The following ATP1B3 variants were observed in gnomAD, a reference collection of about 807,000 sequenced individuals.
ATP1B3 encodes sodium/potassium-transporting ATPase subunit beta-3.
In ATP1B3, 10 loss-of-function variants were observed where a neutral mutation model predicts 30.2. The ratio of observed to expected loss-of-function variants is 0.33; its 90% CI spans 0.20 to 0.56. ATP1B3 has a LOEUF of 0.56. Ranked by LOEUF, ATP1B3 falls within the 20% of genes least tolerant of loss-of-function variation. ATP1B3 has a pLI of 0.90. For synonymous variants in ATP1B3, 113 were observed against 117.0 expected (o/e 0.97, Z 0.22); for missense variants, 238 against 336.7 (o/e 0.71, Z 2.29).
chr3:141,902,000 C>T, intron 1 of ATP1B3: 1 of 548,404 alleles, frequency 1.8e-6, no homozygotes, highest in Non-Finnish European at 3.0e-6. Flanking sequence ...CCCTTCGTTC[C>T]TGCAGACACC....
intron 1 of ATP1B3, among the ~76,000 whole-genome samples, chr3:141,884,580 A>G (rs1933795476): frequency 6.6e-6 from 1 of 152,234 alleles, no homozygotes; most frequent in African/African-American, 2.4e-5. Context: ...TGGGAAAGGC[A>G]GACCCACTCT....
intron 1 of ATP1B3, among the ~76,000 whole-genome samples, chr3:141,895,985 C>G (rs1222352782): frequency 2.0e-5 from 3 of 152,100 alleles, no homozygotes; most frequent in Admixed American, 6.5e-5. Context: ...TTGGAACACA[C>G]TTTTTATGGG....
chr3:141,889,208 A>G (rs1028436942), intron 1 of ATP1B3, among the ~76,000 whole-genome samples: 4 of 152,144 alleles, frequency 2.6e-5, no homozygotes, highest in Admixed American at 1.3e-4. Flanking sequence ...CTCCCCCAGC[A>G]TGTGGGGATT....
chr3:141,916,106 T>C (rs1468907076), intron 5 of ATP1B3, 86 bp downstream of exon 5: 12 of 1,249,648 alleles, frequency 9.6e-6, no homozygotes, highest in South Asian at 2.8e-5. Flanking sequence ...ATCTTTTTTT[T>C]CTTCCCTGTC....
rs1367310043 is a variant in ATP1B3, at chr3:141,897,266, T to G, written c.110-6354T>G. On this transcript the variant is annotated intron_variant, in intron 1 of 6. Transcript: ENST00000286371. The stretch of plus-strand genomic sequence containing the variant: ...TACCTTATTTCTGGGTGGCCTTCTC[T>G]GATGTCCCTTTTCTTCCTCTTCCTG... Among the ~76,000 whole-genome samples, 5 of 152,234 alleles carry G rather than the reference T, an allele frequency of 3.3e-5. No homozygotes were observed. The East Asian group carries it at 9.6e-4, about 29-fold the overall frequency.
At chr3:141,911,319 G>A (rs1934355876) in intron 3 of ATP1B3, among the ~76,000 whole-genome samples, 1 of 152,046 alleles carries the variant, frequency 6.6e-6, no homozygotes, top group African/African-American at 2.4e-5. Flanking sequence ...TTCGACTGCT[G>A]TCAATCCTTA....
At chr3:141,899,539 C>T (rs1222233678) in intron 1 of ATP1B3, among the ~76,000 whole-genome samples, 1 of 152,126 alleles carries the variant, frequency 6.6e-6, no homozygotes, top group African/African-American at 2.4e-5. Context: ...AGTGACTTTT[C>T]CCTGTGTCCA....
chr3:141,919,737 G>A (rs76169216), intron 5 of ATP1B3, among the ~76,000 whole-genome samples: 1 of 152,022 alleles, frequency 6.6e-6, no homozygotes, highest in Non-Finnish European at 1.5e-5. Context: ...TCAGGAATTC[G>A]AGACCAGCCT....
chr3:141,879,756 G>A (rs1933683945), intron 1 of ATP1B3, among the ~76,000 whole-genome samples: 2 of 122,398 alleles, frequency 1.6e-5, no homozygotes, highest in South Asian at 4.9e-4. Context: ...TCCAGCCTGG[G>A]CGACAAAGCA....
intron 2 of ATP1B3, among the ~76,000 whole-genome samples, chr3:141,904,703 CTTTTTTTTTTTTT>C (rs35178202): frequency 1.1e-5 from 1 of 89,376 alleles, no homozygotes; most frequent in Non-Finnish European, 2.1e-5. Flanking sequence ...TTTAAACAGT[CTTTTTTTTTTTTT>C]TTTTTTTTTT....
At chr3:141,882,377 TA>T (rs1337235217) in intron 1 of ATP1B3, among the ~76,000 whole-genome samples, 1 of 152,264 alleles carries the variant, frequency 6.6e-6, no homozygotes, top group Non-Finnish European at 1.5e-5. Context: ...AAAACATACC[TA>T]AATACCTGAT....
chr3:141,911,788 C>T (rs1038262181), intron 3 of ATP1B3, among the ~76,000 whole-genome samples: 4 of 152,234 alleles, frequency 2.6e-5, no homozygotes, highest in Non-Finnish European at 4.4e-5. Context: ...AGCCACTGCG[C>T]TCGGCCTTTG....
chr3:141,885,757 C>T (rs1227374139), intron 1 of ATP1B3, among the ~76,000 whole-genome samples: 1 of 152,062 alleles, frequency 6.6e-6, no homozygotes, highest in Admixed American at 6.6e-5. Flanking sequence ...CAGCGCATGC[C>T]TTTTCTTATA....
intron 3 of ATP1B3, among the ~76,000 whole-genome samples, chr3:141,908,514 C>G (rs1197592348): frequency 6.6e-6 from 1 of 152,168 alleles, no homozygotes. Context: ...AATCCCAGAC[C>G]TCTCAGTCTT....
At chr3:141,903,448 C>G (rs964149233) in intron 1 of ATP1B3, among the ~76,000 whole-genome samples, 172 bp from the exon 2 acceptor site, 4 of 152,076 alleles carry the variant, frequency 2.6e-5, no homozygotes, top group African/African-American at 9.7e-5. Flanking sequence ...CTGAAATACC[C>G]CTTGCTTGGG....
intron 1 of ATP1B3, among the ~76,000 whole-genome samples, chr3:141,885,134 TGTC>T (rs2107764163): frequency 6.6e-6 from 1 of 152,318 alleles, no homozygotes; most frequent in African/African-American, 2.4e-5. Flanking sequence ...TTCACTATCC[TGTC>T]GTCTAGGCTC....
At chr3:141,894,475 T>C (rs1259301089) in intron 1 of ATP1B3, among the ~76,000 whole-genome samples, 1 of 152,202 alleles carries the variant, frequency 6.6e-6, no homozygotes, top group Non-Finnish European at 1.5e-5. Flanking sequence ...ATACTTTTAA[T>C]AACACTTAGC....
intron 1 of ATP1B3, among the ~76,000 whole-genome samples, chr3:141,885,912 CACACACACA>C (rs1559864939): frequency 3.3e-5 from 5 of 151,180 alleles, no homozygotes; most frequent in African/African-American, 1.2e-4. Flanking sequence ...CACACACACA[CACACACACA>C]CACCCCTGTA....
Position 141,925,675 on chromosome 3 carries a change from A to G in ATP1B3, c.814A>G (p.Met272Val), listed in dbSNP as rs1934646162. 1.9e-6 allele frequency: 3 copies of G among 1,612,278 alleles called. No individual in the cohort carries two copies. The highest frequency in any genetic ancestry group is 2.5e-6 in the Non-Finnish European group (3 of 1,179,764). Residue 272 changes from methionine (M) to valine (V), a missense_variant, in exon 7 of 7, where the codon ATG (methionine) becomes GTG (valine). Coordinates refer to ENST00000286371, the MANE Select transcript of ATP1B3 (RefSeq NM_001679.4). ...DDRDKFLGRV[M>V]FKITARA ...TCGTGACAAGTTTTTGGGACGAGTT[A>G]TGTTCAAAATCACAGCACGTGCATA...
Sources: gnomAD v4.1 joint callset for allele counts (sites outside exome capture counted in the v4.1 genomes callset) on GRCh38, gnomAD v4.1.1 for gene constraint, MANE v1.5 for transcripts, NCBI Gene and HGNC (gene_info 2026-07-23, HGNC 2026-07-21) for gene names.